The following RNF185 variants were observed in gnomAD, a reference collection of about 807,000 sequenced individuals.
The protein encoded by RNF185 is ring finger protein 185, also known as E3 ubiquitin-protein ligase RNF185.
Under a neutral mutation model 24.9 loss-of-function variants are expected in RNF185, and 13 were observed. The ratio of observed to expected loss-of-function variants is 0.52; its 90% confidence interval spans 0.34 to 0.83. The LOEUF (loss-of-function observed/expected upper bound fraction) is 0.83. RNF185 is among the 40% of genes least tolerant of loss of function. The pLI is 0.01. For missense variants in RNF185, 184 were observed against 244.7 expected (o/e 0.75, Z 1.65); for synonymous variants, 79 against 90.3 (o/e 0.88, Z 0.71).
At chr22:31,160,665 C>G (rs1048130994) in intron 1 of RNF185, among the ~76,000 whole-genome samples, 1 of 152,128 alleles carries the variant, frequency 6.6e-6, no homozygotes, top group African/African-American at 2.4e-5. Flanking sequence ...GCGCGGTGAA[C>G]AGAGTTGGGC....
intron 1 of RNF185, among the ~76,000 whole-genome samples, chr22:31,184,968 T>C (rs531431400): frequency 7.0e-6 from 1 of 143,092 alleles, no homozygotes; most frequent in Non-Finnish European, 1.6e-5. Flanking sequence ...GAGCAATTTT[T>C]AATTTTTTAA....
intron 1 of RNF185, among the ~76,000 whole-genome samples, chr22:31,163,677 T>TTTATTTA (rs1472848568): frequency 6.7e-6 from 1 of 150,074 alleles, no homozygotes; most frequent in Non-Finnish European, 1.5e-5. Flanking sequence ...TATTTATTTA[T>TTTATTTA]TTATTTATTT....
At chr22:31,177,475 C>G (rs2047994341) in intron 1 of RNF185, among the ~76,000 whole-genome samples, 1 of 152,106 alleles carries the variant, frequency 6.6e-6, no homozygotes, top group South Asian at 2.1e-4. Flanking sequence ...ACCACTTAGA[C>G]TTTAAAATTT....
intron 1 of RNF185, among the ~76,000 whole-genome samples, chr22:31,180,913 CTCTGTGTGTGTGTGTG>C (rs1349181906): frequency 1.2e-4 from 7 of 60,862 alleles, no homozygotes; most frequent in African/African-American, 4.6e-4. Context: ...TTCTCTCTCT[CTCTGTGTGTGTGTGTG>C]TGTGTGTGTG....
At chr22:31,179,850 G>A (rs1003587149) in intron 1 of RNF185, among the ~76,000 whole-genome samples, 1 of 152,176 alleles carries the variant, frequency 6.6e-6, no homozygotes, top group Non-Finnish European at 1.5e-5. Context: ...AGGTTACATG[G>A]TATGAAATGT....
intron 1 of RNF185, among the ~76,000 whole-genome samples, chr22:31,178,483 G>T (rs2048004187): frequency 1.3e-5 from 2 of 152,294 alleles, no homozygotes; most frequent in South Asian, 2.1e-4. Flanking sequence ...GCCTGATCTA[G>T]GTCCAGATCC....
At chr22:31,169,887 C>G (rs1270637519) in intron 1 of RNF185, among the ~76,000 whole-genome samples, 1 of 152,146 alleles carries the variant, frequency 6.6e-6, no homozygotes. Context: ...CTGTAGATGA[C>G]AGGAGTCCAT....
At chr22:31,186,206 G>A (rs891133290) in intron 1 of RNF185, among the ~76,000 whole-genome samples, 1 of 152,162 alleles carries the variant, frequency 6.6e-6, no homozygotes, top group Admixed American at 6.5e-5. Context: ...TGTGGCAGAA[G>A]GAGGATTGAA....
At chr22:31,198,704 C>CTTTTTT (rs1196076379) in intron 5 of RNF185, among the ~76,000 whole-genome samples, 18 of 69,664 alleles carry the variant, frequency 2.6e-4, no homozygotes, top group Non-Finnish European at 3.8e-4. Flanking sequence ...CTGCCACTTT[C>CTTTTTT]TTTTTTTTTT....
chr22:31,184,665 G>A (rs1370173019), intron 1 of RNF185, among the ~76,000 whole-genome samples: 1 of 152,194 alleles, frequency 6.6e-6, no homozygotes, highest in African/African-American at 2.4e-5. Flanking sequence ...TGCAATCCTG[G>A]CACCTCGGGA....
At chr22:31,187,592 G>A (rs901108018) in intron 2 of RNF185, among the ~76,000 whole-genome samples, 15 of 152,188 alleles carry the variant, frequency 9.9e-5, no homozygotes, top group African/African-American at 3.6e-4. Context: ...CTGTGGAACT[G>A]GGCTTCCTCC....
intron 6 of RNF185, 147 bp from the exon 7 acceptor site, chr22:31,204,342 C>CAA (rs3068175): frequency 0.035 from 16,257 of 468,070 alleles, 531 homozygotes; most frequent in East Asian, 0.28. Flanking sequence ...GACTACATTT[C>CAA]AAAAAAAAAA....
At chr22:31,187,352 C>T (rs2048110259) in intron 2 of RNF185, 82 bp downstream of exon 2, 1 of 1,454,472 alleles carries the variant, frequency 6.9e-7, no homozygotes, top group Non-Finnish European at 9.5e-7. Flanking sequence ...GAGCAGAATG[C>T]TTCCTGCTCA....
At chr22:31,204,178 A>T (rs2048291719) in intron 6 of RNF185, among the ~76,000 whole-genome samples, 1 of 151,592 alleles carries the variant, frequency 6.6e-6, no homozygotes, top group South Asian at 2.1e-4. Flanking sequence ...CCCCGTCTCT[A>T]CTAAAAATAC....
At chr22:31,171,919 G>A (rs1175799183) in intron 1 of RNF185, among the ~76,000 whole-genome samples, 1 of 152,052 alleles carries the variant, frequency 6.6e-6, no homozygotes, top group Non-Finnish European at 1.5e-5. Context: ...GGTGAGCCAA[G>A]ATTGCGCCAT....
At position 31,171,918 on chromosome 22, in the gene RNF185, A is replaced by G. The variant is rs145964437; in HGVS notation, c.-49+11615A>G. 1.6e-3 allele frequency among the ~76,000 whole-genome samples: 240 copies of G among 152,148 alleles called. 2 individuals carry two copies. Among genetic ancestry groups the G allele is most frequent in the African/African-American group, 5.6e-3 (233 of 41,512 alleles). ...AGGAGGCGGAGGTTGCGGTGAGCCA[A>G]GATTGCGCCATTGCACTCCAGCCTG... On this transcript the variant is annotated intron_variant, in intron 1 of 6. Transcript: ENST00000326132.
intron 1 of RNF185, among the ~76,000 whole-genome samples, chr22:31,186,492 C>T (rs181213669): frequency 1.3e-5 from 2 of 152,236 alleles, no homozygotes; most frequent in African/African-American, 2.4e-5. Context: ...ATCCCAGCTA[C>T]TCGGGAGGCT....
intron 2 of RNF185, among the ~76,000 whole-genome samples, chr22:31,191,861 C>T (rs1322654252): frequency 1.2e-4 from 17 of 143,630 alleles, no homozygotes; most frequent in African/African-American, 3.9e-4. Flanking sequence ...GAGTTGAATA[C>T]TTTTCTTTCA....
intron 3 of RNF185, among the ~76,000 whole-genome samples, chr22:31,194,925 C>G (rs888184597): frequency 1.3e-5 from 2 of 151,952 alleles, no homozygotes; most frequent in Non-Finnish European, 2.9e-5. Flanking sequence ...TAGAGAGAAA[C>G]AAAGCATGAA....
Sources: gnomAD v4.1 joint callset for allele counts (sites outside exome capture counted in the v4.1 genomes callset) on GRCh38, gnomAD v4.1.1 for gene constraint, MANE v1.5 for transcripts, NCBI Gene and HGNC (gene_info 2026-07-23, HGNC 2026-07-21) for gene names.